MAGED1: variants seen among roughly 807,000 people sequenced by gnomAD.
MAGED1 encodes the protein MAGE family member D1, also known as melanoma-associated antigen D1.
Under a neutral mutation model 54.1 loss-of-function variants are expected in MAGED1, and 3 were observed. That is an observed-to-expected ratio of 0.06 (90% confidence interval 0.03 to 0.14). The LOEUF is 0.14. MAGED1 is among the 10% of genes least tolerant of loss of function. MAGED1 has a pLI of 1.00. For synonymous variants in MAGED1, 217 were observed against 227.3 expected (o/e 0.95, Z 0.41); for missense variants, 485 against 623.4 (o/e 0.78, Z 2.36).
intron 1 of MAGED1, among the ~76,000 whole-genome samples, chrX:51,869,739 C>T (rs1267752465): frequency 8.2e-5 from 9 of 110,228 alleles, no homozygotes; most frequent in African/African-American, 1.7e-4. Context: ...GGTGTGGTGG[C>T]GGGTACCTGT....
At chrX:51,883,930 A>C (rs1488492264) in intron 1 of MAGED1, among the ~76,000 whole-genome samples, 1 of 112,106 alleles carries the variant, frequency 8.9e-6, no homozygotes, top group Admixed American at 9.5e-5. Context: ...TGAAGATAGA[A>C]CAATAGAAAT....
chrX:51,809,441 C>G (rs974040237), intron 1 of MAGED1, among the ~76,000 whole-genome samples: 13 of 111,604 alleles, frequency 1.2e-4, no homozygotes, highest in Non-Finnish European at 2.1e-4. Flanking sequence ...TTTGAAAGAT[C>G]GTTGATTAAT....
intron 1 of MAGED1, among the ~76,000 whole-genome samples, chrX:51,851,878 G>C (rs183192646): frequency 8.9e-6 from 1 of 111,896 alleles, no homozygotes; most frequent in East Asian, 2.8e-4. Context: ...ACTGCAGAAA[G>C]TGAAACCACA....
intron 1 of MAGED1, among the ~76,000 whole-genome samples, chrX:51,853,497 T>C (rs1468328028): frequency 8.9e-6 from 1 of 112,099 alleles, no homozygotes; most frequent in Non-Finnish European, 1.9e-5. Flanking sequence ...GTTGGGAATG[T>C]CTCCTCTTAG....
chrX:51,883,106 A>G (rs1425027384), intron 1 of MAGED1, among the ~76,000 whole-genome samples: 1 of 111,469 alleles, frequency 9.0e-6, no homozygotes, highest in African/African-American at 3.3e-5. Context: ...CCAGCCTGTA[A>G]TAAGACCTCT....
chrX:51,887,567 A>C (rs1557362918), intron 1 of MAGED1, among the ~76,000 whole-genome samples: 1 of 110,502 alleles, frequency 9.0e-6, no homozygotes, highest in Non-Finnish European at 1.9e-5. Context: ...AGGTACAAAA[A>C]CAATTCAAAG....
At chrX:51,815,740 C>T (rs1476907553) in intron 1 of MAGED1, among the ~76,000 whole-genome samples, 1 of 109,895 alleles carries the variant, frequency 9.1e-6, no homozygotes, top group Non-Finnish European at 1.9e-5. Flanking sequence ...AGGCTGGTGT[C>T]GAATTCCTGA....
intron 1 of MAGED1, chrX:51,870,958 C>G (rs1258066191): frequency 5.4e-5 from 6 of 112,088 alleles, no homozygotes; most frequent in Non-Finnish European, 1.1e-4. Context: ...AGAATAAAAC[C>G]AAACTAAATC....
chrX:51,856,232 A>G (rs1336289644), intron 1 of MAGED1, among the ~76,000 whole-genome samples: 3 of 112,397 alleles, frequency 2.7e-5, no homozygotes, highest in Non-Finnish European at 5.6e-5. Context: ...GTAGTTTTGT[A>G]CATGGATGTT....
chrX:51,841,444 A>G (rs1926479215), intron 1 of MAGED1, among the ~76,000 whole-genome samples: 1 of 109,832 alleles, frequency 9.1e-6, no homozygotes, highest in African/African-American at 3.3e-5. Flanking sequence ...GTTTAATTAG[A>G]TCCCATTTGT....
chrX:51,870,919 A>G (rs1159399323), intron 1 of MAGED1: 7 of 112,841 alleles, frequency 6.2e-5, no homozygotes, highest in Non-Finnish European at 9.4e-5. Context: ...GGAATGAAAG[A>G]TATAAATTAA....
At position 51,895,534 on chromosome X, in the gene MAGED1, G is replaced by C; in HGVS notation, c.527G>C (p.Arg176Thr). Residue 176 changes from arginine to threonine, a missense_variant, in exon 3 of 13, where the codon AGG becomes ACG. Coordinates refer to ENST00000326587, the MANE Select transcript of MAGED1 (RefSeq NM_006986.4). ...SLNANDLANS[R>T]PKTPFKAWND... ...AATGCCAATGACCTGGCCAACAGCAGGCCTAAGACCCCTTTCAAGGCTTGG... is the reference window on the plus strand; with the variant it reads ...AATGCCAATGACCTGGCCAACAGCACGCCTAAGACCCCTTTCAAGGCTTGG... The C allele has an allele frequency of 8.3e-7, 1 of 1,211,305 alleles. No homozygotes were observed. The highest frequency in any genetic ancestry group is 1.1e-6 in the Non-Finnish European group (1 of 895,276).
intron 1 of MAGED1, among the ~76,000 whole-genome samples, chrX:51,887,413 G>A (rs997672059): frequency 2.7e-5 from 3 of 111,603 alleles, no homozygotes; most frequent in Non-Finnish European, 5.6e-5. Flanking sequence ...AAGATAAAGT[G>A]GGAGAAATCA....
chrX:51,898,762 G>T, intron 10 of MAGED1, 119 bp downstream of exon 10: 1 of 664,287 alleles, frequency 1.5e-6, no homozygotes. Flanking sequence ...CAGTACTTTG[G>T]GAGGCTCAGG....
chrX:51,893,224 CAG>C (rs1557363661), upstream of MAGED1, among the ~76,000 whole-genome samples: 1 of 110,429 alleles, frequency 9.1e-6, no homozygotes, highest in Non-Finnish European at 1.9e-5. Context: ...AGACCCCAAA[CAG>C]AGACCTAAGC....
intron 1 of MAGED1, among the ~76,000 whole-genome samples, chrX:51,803,496 C>A (rs1465211238): frequency 2.8e-5 from 3 of 109,004 alleles, no homozygotes; most frequent in Non-Finnish European, 5.7e-5. Flanking sequence ...TGTTAACCTG[C>A]GACTCTTTGC....
In MAGED1 at chrX:51,895,468, A is replaced by G. The variant is rs1478145988; in HGVS notation, c.461A>G (p.Lys154Arg). 1 of 1,208,747 alleles carries G rather than the reference A, an allele frequency of 8.3e-7. No individual in the cohort carries two copies. The highest frequency in any genetic ancestry group is 1.1e-6 in the Non-Finnish European group (1 of 893,983). Residue 154 changes from lysine to arginine, a missense_variant, in exon 3 of 13, where the codon AAA becomes AGA. Lys to Arg is a conservative substitution (Grantham distance 26, BLOSUM62 2). Around this residue, in one of 2 missense-constraint regions of MAGED1, gnomAD observed 299 missense variants for 293.1 expected, o/e 1.02. Coordinates refer to ENST00000326587, the MANE Select transcript of MAGED1 (RefSeq NM_006986.4). ...TTCAAGGCCCAGAATGCCACTACTA[A>G]AGTGGGCCCAAATGCCACCTACAAT... ...MAFKAQNATT[K>R]VGPNATYNFS...
At chrX:51,878,084 A>G (rs1038376165) in intron 1 of MAGED1, among the ~76,000 whole-genome samples, 7 of 111,621 alleles carry the variant, frequency 6.3e-5, no homozygotes, top group Non-Finnish European at 9.4e-5. Flanking sequence ...AGTGCAAATC[A>G]AAGAGGGACT....
chrX:51,894,592 G>A lies in MAGED1; in HGVS notation c.45+243G>A, dbSNP rs781963005. 5.2e-6 allele frequency: 6 copies of A among 1,156,241 alleles called. No homozygotes were observed. In the African/African-American group the frequency reaches 1.1e-4, roughly 21 times the overall value. ...TCAGGGCAATCTGCCCAGAGAATGC[G>A]GGGTGGGTAAGGAACCATTTTTTTT... On this transcript the variant is annotated intron_variant, in intron 2 of 12. Coordinates refer to ENST00000326587, the MANE Select transcript of MAGED1 (RefSeq NM_006986.4).
Sources: gnomAD v4.1 joint callset for allele counts (sites outside exome capture counted in the v4.1 genomes callset) on GRCh38, gnomAD v4.1.1 for gene constraint, gnomAD v4.1.1 regional missense constraint, MANE v1.5 for transcripts, NCBI Gene and HGNC (gene_info 2026-07-23, HGNC 2026-07-21) for gene names.